ARFGEF1: variants seen among roughly 807,000 people sequenced by gnomAD.
The protein encoded by ARFGEF1 is brefeldin A-inhibited guanine nucleotide-exchange protein 1.
In ARFGEF1, 42 loss-of-function variants were observed where a neutral mutation model predicts 231.0. The observed-to-expected ratio is 0.18, with a 90% confidence interval of 0.14 to 0.24. ARFGEF1 has a LOEUF of 0.24. ARFGEF1 is among the 10% of genes least tolerant of loss of function. ARFGEF1 has a pLI of 1.00. For missense variants in ARFGEF1, 1,345 were observed against 2,192.0 expected (o/e 0.61, Z 7.72); for synonymous variants, 710 against 732.3 (o/e 0.97, Z 0.49).
chr8:67,179,099 AT>A (rs1210950745), intron 5 of ARFGEF1, among the ~76,000 whole-genome samples: 1 of 152,196 alleles, frequency 6.6e-6, no homozygotes, highest in Non-Finnish European at 1.5e-5. Flanking sequence ...AGCCCAGATT[AT>A]CTGGTAAGAA....
At chr8:67,200,949 A>C (rs979281581) in intron 37 of ARFGEF1, among the ~76,000 whole-genome samples, 1 of 152,230 alleles carries the variant, frequency 6.6e-6, no homozygotes, top group Non-Finnish European at 1.5e-5. Context: ...TGATCCCTTA[A>C]AATTCTAAAA....
intron 1 of ARFGEF1, among the ~76,000 whole-genome samples, chr8:67,328,131 A>G (rs1459304300): frequency 6.6e-6 from 1 of 152,216 alleles, no homozygotes; most frequent in Non-Finnish European, 1.5e-5. Flanking sequence ...TAAAAAAGAT[A>G]TAAAAGAGAA....
intron 5 of ARFGEF1, among the ~76,000 whole-genome samples, chr8:67,181,685 T>TA (rs1339789219): frequency 2.0e-5 from 3 of 152,206 alleles, no homozygotes; most frequent in African/African-American, 7.2e-5. Context: ...AAAATACACA[T>TA]AAACATAACA....
intron 1 of ARFGEF1, among the ~76,000 whole-genome samples, chr8:67,302,906 T>TAA (rs139020447): frequency 1.3e-3 from 133 of 102,014 alleles, no homozygotes; most frequent in South Asian, 4.1e-3. Flanking sequence ...CCCCATCTCT[T>TAA]AAAAAAAAAA....
chr8:67,231,170 T>C (rs892095671), intron 23 of ARFGEF1, among the ~76,000 whole-genome samples: 1 of 152,076 alleles, frequency 6.6e-6, no homozygotes, highest in African/African-American at 2.4e-5. Flanking sequence ...GACCAAAGTT[T>C]GAACATAACG....
intron 22 of ARFGEF1, among the ~76,000 whole-genome samples, chr8:67,236,362 AAAAATATATATAT>A (rs1483601568): frequency 1.2e-4 from 5 of 41,752 alleles, no homozygotes; most frequent in South Asian, 8.9e-4. Context: ...AAAAAAAAAA[AAAAATATATATAT>A]ATATATATAT....
At chr8:67,222,608 G>T (rs771529937) in intron 29 of ARFGEF1, among the ~76,000 whole-genome samples, 23 of 151,930 alleles carry the variant, frequency 1.5e-4, no homozygotes, top group Non-Finnish European at 2.8e-4. Flanking sequence ...GCACCACCAC[G>T]CCTCGCTAAT....
At chr8:67,195,691 T>TA (rs1837798667), downstream of ARFGEF1, 1 of 950,658 alleles carries the variant, frequency 1.1e-6, no homozygotes, top group African/African-American at 1.7e-5. Context: ...ACCTGAAAGT[T>TA]ACTTTTTTTC....
chr8:67,282,028 CTAAG>C (rs537132442), intron 7 of ARFGEF1, among the ~76,000 whole-genome samples: 139 of 152,138 alleles, frequency 9.1e-4, no homozygotes, highest in Non-Finnish European at 1.6e-3. Context: ...ATTTCAATTA[CTAAG>C]TAAGCTTTAA....
Position 67,337,134 on chromosome 8 carries a change from A to G in ARFGEF1, c.124+6030T>C, listed in dbSNP as rs1265444101. Among the ~76,000 whole-genome samples, 5 of 151,500 alleles carry G rather than the reference A, an allele frequency of 3.3e-5. No individual in the cohort carries two copies. In the East Asian group the frequency reaches 9.7e-4, roughly 29 times the overall value. On this transcript the variant is annotated intron_variant, in intron 1 of 38. Transcript: ENST00000262215. Reference sequence around the variant, plus strand: ...ACAGAGCGTGACGCCGTCTCAAAAAAAAAAAAAAAAAAAAAAACAGACAAA... The same window carrying G: ...ACAGAGCGTGACGCCGTCTCAAAAAGAAAAAAAAAAAAAAAAACAGACAAA...
chr8:67,322,424 T>C (rs1317724989), intron 1 of ARFGEF1, among the ~76,000 whole-genome samples: 2 of 152,216 alleles, frequency 1.3e-5, no homozygotes, highest in Non-Finnish European at 2.9e-5. Context: ...CAGCCAGGCA[T>C]GTTGGCTCAT....
chr8:67,287,746 GTCATT>G (rs1805820018), intron 7 of ARFGEF1, among the ~76,000 whole-genome samples: 1 of 152,110 alleles, frequency 6.6e-6, no homozygotes, highest in Non-Finnish European at 1.5e-5. Flanking sequence ...CATAGTTCTG[GTCATT>G]TCATTTCTCA....
At chr8:67,222,906 C>T (rs1839248870) in intron 29 of ARFGEF1, among the ~76,000 whole-genome samples, 1 of 152,176 alleles carries the variant, frequency 6.6e-6, no homozygotes, top group Non-Finnish European at 1.5e-5. Context: ...TGTTTAGATA[C>T]ACAAACACCA....
chr8:67,250,958 T>C, intron 19 of ARFGEF1, among the ~76,000 whole-genome samples: 1 of 152,186 alleles, frequency 6.6e-6, no homozygotes, highest in East Asian at 1.9e-4. Flanking sequence ...AACAAGAGCC[T>C]CATGATCATT....
At chr8:67,205,841 G>C (rs1244376033) in intron 34 of ARFGEF1, among the ~76,000 whole-genome samples, 1 of 151,644 alleles carries the variant, frequency 6.6e-6, no homozygotes, top group Non-Finnish European at 1.5e-5. Flanking sequence ...CTGGGCAAGA[G>C]AGAGAGACTC....
chr8:67,176,288 T>A (rs1233134037), intron 5 of ARFGEF1, among the ~76,000 whole-genome samples: 1 of 152,194 alleles, frequency 6.6e-6, no homozygotes, highest in Non-Finnish European at 1.5e-5. Flanking sequence ...CTGCTAGTTA[T>A]TTTTAAGAAA....
chr8:67,298,733 C>T (rs914078780), intron 4 of ARFGEF1, among the ~76,000 whole-genome samples: 5 of 152,140 alleles, frequency 3.3e-5, no homozygotes, highest in South Asian at 4.1e-4. Flanking sequence ...CATTAAAATC[C>T]CCTAATATGG....
At chr8:67,251,168 A>G (rs1310204480) in intron 19 of ARFGEF1, 131 bp downstream of exon 19, 34 of 827,292 alleles carry the variant, frequency 4.1e-5, no homozygotes, top group Non-Finnish European at 5.5e-5. Flanking sequence ...ATAACATGTT[A>G]TATGAATTTC....
rs114405754 is a variant in ARFGEF1 at position 67,249,464 on chromosome 8, T to C, written c.2850+1835A>G. 1.4e-3 allele frequency among the ~76,000 whole-genome samples: 207 copies of C among 150,032 alleles called. 9 individuals are homozygous for C. Among genetic ancestry groups the C allele is most frequent in the African/African-American group, 4.9e-3 (198 of 40,030 alleles). On this transcript the variant is annotated intron_variant, in intron 19 of 38. Transcript: ENST00000262215. ...TAATCCCATCGTAAGTCGAGGAGCA[T>C]ACAAGTCTGCACACAGATAGGCAGA...
Sources: gnomAD v4.1 joint callset for allele counts (sites outside exome capture counted in the v4.1 genomes callset) on GRCh38, gnomAD v4.1.1 for gene constraint, MANE v1.5 for transcripts, NCBI Gene and HGNC (gene_info 2026-07-23, HGNC 2026-07-21) for gene names.